The following CSGALNACT1 variants were observed in gnomAD, a reference collection of about 807,000 sequenced individuals.
CSGALNACT1 encodes the protein beta4GalNAcT-1.
A neutral mutation model predicts 51.0 loss-of-function variants in CSGALNACT1; 52 were observed. That is an observed-to-expected ratio of 1.02 (90% confidence interval 0.82 to 1.29). The LOEUF (loss-of-function observed/expected upper bound fraction) is 1.29, where lower values mean the gene tolerates loss of function less well. Among genes scored for constraint, CSGALNACT1 ranks in the 50% most tolerant of loss-of-function variants. CSGALNACT1 has a pLI of 0.00. For synonymous variants in CSGALNACT1, 341 were observed against 254.4 expected (o/e 1.34, Z -3.24); for missense variants, 935 against 679.2 (o/e 1.38, Z -4.19).
chr8:19,470,032 T>C (rs1181581210), intron 4 of CSGALNACT1, among the ~76,000 whole-genome samples: 2 of 152,082 alleles, frequency 1.3e-5, no homozygotes, highest in African/African-American at 2.4e-5. Flanking sequence ...TTTAAAAATA[T>C]TGGAAAAAGC....
chr8:19,655,552 A>ACATATATATGCACT (rs2058187426), intron 1 of CSGALNACT1, among the ~76,000 whole-genome samples: 1 of 38,566 alleles, frequency 2.6e-5, no homozygotes, highest in East Asian at 8.5e-3. Context: ...CTATATGCAC[A>ACATATATATGCACT]TATATATACA....
intron 1 of CSGALNACT1, among the ~76,000 whole-genome samples, chr8:19,626,250 A>C (rs894537096): frequency 7.2e-5 from 11 of 152,214 alleles, no homozygotes; most frequent in African/African-American, 2.7e-4. Context: ...AGATTACAGA[A>C]CCCAGAAATA....
intron 1 of CSGALNACT1, among the ~76,000 whole-genome samples, chr8:19,752,069 TATG>T (rs1194211395): frequency 1.4e-5 from 1 of 69,186 alleles, no homozygotes; most frequent in Non-Finnish European, 2.8e-5. Flanking sequence ...TATATTTTTA[TATG>T]ATATGATGAT....
chr8:19,690,024 G>C (rs191462900), intron 1 of CSGALNACT1, among the ~76,000 whole-genome samples: 1 of 152,120 alleles, frequency 6.6e-6, no homozygotes, highest in Non-Finnish European at 1.5e-5. Flanking sequence ...AAGCCAATTT[G>C]AGTTTCAAAC....
At chr8:19,449,495 G>A (rs2062710168) in intron 5 of CSGALNACT1, among the ~76,000 whole-genome samples, 1 of 152,010 alleles carries the variant, frequency 6.6e-6, no homozygotes, top group Non-Finnish European at 1.5e-5. Context: ...ATATATACCA[G>A]CCTCACTATA....
At chr8:19,559,348 A>G (rs796243933) in intron 3 of CSGALNACT1, among the ~76,000 whole-genome samples, 3 of 152,322 alleles carry the variant, frequency 2.0e-5, no homozygotes, top group African/African-American at 7.2e-5. Flanking sequence ...TAGATTATCT[A>G]CCATACAAAA....
At chr8:19,467,212 C>T (rs1471555413) in intron 4 of CSGALNACT1, among the ~76,000 whole-genome samples, 6 of 144,802 alleles carry the variant, frequency 4.1e-5, no homozygotes, top group African/African-American at 1.5e-4. Flanking sequence ...CTCTGACTCT[C>T]GGTTTCACAG....
chr8:19,612,267 T>C (rs1936053350), intron 1 of CSGALNACT1, among the ~76,000 whole-genome samples: 1 of 151,634 alleles, frequency 6.6e-6, no homozygotes, highest in African/African-American at 2.4e-5. Flanking sequence ...TGCTTGAGCC[T>C]GGGAGGCTGA....
At chr8:19,405,517 C>G in exon 10 of CSGALNACT1, 1 of 624,222 alleles carries the variant, frequency 1.6e-6, no homozygotes, top group South Asian at 1.5e-5. Flanking sequence ...AAAACCTCCA[C>G]ACCATTAGGC....
intron 6 of CSGALNACT1, among the ~76,000 whole-genome samples, chr8:19,428,212 A>G (rs2059081492): frequency 6.6e-6 from 1 of 152,196 alleles, no homozygotes; most frequent in Admixed American, 6.5e-5. Flanking sequence ...GTACACCAGC[A>G]TCGGAGTCTG....
intron 4 of CSGALNACT1, among the ~76,000 whole-genome samples, chr8:19,503,288 T>A (rs1370497738): frequency 6.6e-6 from 1 of 152,220 alleles, no homozygotes; most frequent in South Asian, 2.1e-4. Flanking sequence ...AAATCAATAC[T>A]GAGTAGCTAT....
intron 1 of CSGALNACT1, among the ~76,000 whole-genome samples, chr8:19,697,887 C>T (rs1492636): frequency 0.6 from 91,451 of 151,994 alleles, 27,701 homozygotes; most frequent in Middle Eastern, 0.74. Flanking sequence ...AGAAATACGA[C>T]TGCAAAAGAG....
intron 8 of CSGALNACT1, among the ~76,000 whole-genome samples, chr8:19,414,141 T>A (rs890556047): frequency 6.6e-6 from 1 of 152,184 alleles, no homozygotes; most frequent in African/African-American, 2.4e-5. Context: ...GCAAATGCTA[T>A]AAATCAGGTC....
chr8:19,529,205 A>G (rs2082277681), intron 3 of CSGALNACT1, among the ~76,000 whole-genome samples: 1 of 152,188 alleles, frequency 6.6e-6, no homozygotes, highest in South Asian at 2.1e-4. Context: ...GTGCGAAAGA[A>G]GAGTGAATTA....
At position 19,533,187 on chromosome 8, in the gene CSGALNACT1, G is replaced by A. The variant is rs78282856; in HGVS notation, c.-296-27057C>T. ...GCTGGAGTGTGGTGACGATGTCATA[G>A]CTCACCACAGCCTCAAACTTTTGGG... On this transcript the variant is annotated intron_variant, in intron 3 of 9. Transcript: ENST00000454498. Among the ~76,000 whole-genome samples the A allele has an allele frequency of 1.8e-4, 27 of 152,228 alleles. No homozygotes were observed. In the East Asian group the frequency reaches 5.2e-3, roughly 29 times the overall value.
Position 19,757,032 on chromosome 8 carries a change from G to C in CSGALNACT1, c.-297+818C>G, listed in dbSNP as rs1454754691. Among the ~76,000 whole-genome samples, 2 of 150,726 alleles carry C rather than the reference G, an allele frequency of 1.3e-5. No individual in the cohort carries two copies. The highest frequency in any genetic ancestry group is 3.0e-5 in the Non-Finnish European group (2 of 67,574). ...GGGCAGCGGCGGAGGGAGGCCAGGC[G>C]CGGCACCGTCCTCCGCAGCTGCACG... On this transcript the variant is annotated intron_variant, in intron 1 of 1. Transcript: ENST00000517494. This position sits in a 1 kb window ranked among gnomAD's most constrained non-coding sequence, Gnocchi z 4.0.
chr8:19,458,310 A>G (rs1270981387), intron 5 of CSGALNACT1, 116 bp downstream of exon 4: 6 of 921,176 alleles, frequency 6.5e-6, no homozygotes, highest in East Asian at 4.8e-5. Flanking sequence ...ACAGAGCTGA[A>G]TAAGAGAAAG....
At chr8:19,454,732 T>C (rs1236256552) in intron 5 of CSGALNACT1, among the ~76,000 whole-genome samples, 1 of 152,074 alleles carries the variant, frequency 6.6e-6, no homozygotes, top group South Asian at 2.1e-4. Flanking sequence ...GCAGAAAGTG[T>C]AGCTGTGCTG....
At position 19,697,347 on chromosome 8, in the gene CSGALNACT1, G is replaced by A. The variant is rs145815229; in HGVS notation, c.-297+60503C>T. ...AGAAGGAGTCCAGAATGACATCCAG[G>A]TCTATGGCTTTGGCAGATGATGAAC... On this transcript the variant is annotated intron_variant, in intron 1 of 1. Coordinates refer to the CSGALNACT1 transcript ENST00000517494. Among the ~76,000 whole-genome samples, 11 of 152,190 alleles carry A rather than the reference G, an allele frequency of 7.2e-5. No individual in the cohort carries two copies. In the East Asian group the frequency reaches 1.9e-3, roughly 27 times the overall value.
Sources: allele counts gnomAD v4.1 joint callset (sites outside exome capture counted in the v4.1 genomes callset), GRCh38; gene constraint gnomAD v4.1.1; non-coding constraint Gnocchi (gnomAD v3.1); transcripts MANE v1.5; gene names NCBI Gene and HGNC (gene_info 2026-07-23, HGNC 2026-07-21).